The following DPP10 variants were observed in gnomAD, a reference collection of about 807,000 sequenced individuals.
The protein encoded by DPP10 is dipeptidyl peptidase like 10.
In DPP10, 33 loss-of-function variants were observed where a neutral mutation model predicts 120.9. The observed-to-expected ratio is 0.27, with a 90% confidence interval of 0.21 to 0.37. The LOEUF (loss-of-function observed/expected upper bound fraction) is 0.37. DPP10 is among the 10% of genes least tolerant of loss of function. DPP10 has a pLI of 1.00. For synonymous variants in DPP10, 337 were observed against 326.1 expected (o/e 1.03, Z -0.36); for missense variants, 816 against 942.8 (o/e 0.87, Z 1.76).
intron 1 of DPP10, among the ~76,000 whole-genome samples, chr2:115,240,426 C>T (rs763178118): frequency 1.3e-5 from 2 of 152,124 alleles, no homozygotes; most frequent in Non-Finnish European, 2.9e-5. Flanking sequence ...TGTTCATATC[C>T]TTTGACCACT....
At chr2:115,648,802 A>G (rs939167579) in intron 5 of DPP10, among the ~76,000 whole-genome samples, 3 of 152,078 alleles carry the variant, frequency 2.0e-5, no homozygotes, top group African/African-American at 7.2e-5. Flanking sequence ...GGAGAGTCCA[A>G]CCCAGTTGGA....
At chr2:114,594,165 C>T (rs1341491375) in intron 1 of DPP10, among the ~76,000 whole-genome samples, 1 of 151,852 alleles carries the variant, frequency 6.6e-6, no homozygotes, top group Non-Finnish European at 1.5e-5. Flanking sequence ...ATAAAGCAGG[C>T]AGAAAAATGT....
chr2:115,348,767 T>C (rs906041473), intron 3 of DPP10, among the ~76,000 whole-genome samples: 1 of 152,166 alleles, frequency 6.6e-6, no homozygotes, highest in Non-Finnish European at 1.5e-5. Context: ...CATACCATCA[T>C]GTAATGAGAT....
At chr2:114,971,120 C>T (rs756019762) in intron 1 of DPP10, among the ~76,000 whole-genome samples, 4 of 152,090 alleles carry the variant, frequency 2.6e-5, no homozygotes, top group African/African-American at 4.8e-5. Context: ...TCAGTTGTGA[C>T]GCCTCATGTT....
chr2:115,739,450 C>A (rs530448547), intron 8 of DPP10, among the ~76,000 whole-genome samples: 1 of 151,936 alleles, frequency 6.6e-6, no homozygotes, highest in Non-Finnish European at 1.5e-5. Flanking sequence ...CTTCAATCAC[C>A]GTTCTCATTC....
chr2:115,051,906 A>G (rs1415058473), intron 1 of DPP10, among the ~76,000 whole-genome samples: 1 of 152,222 alleles, frequency 6.6e-6, no homozygotes, highest in Non-Finnish European at 1.5e-5. Flanking sequence ...CAATATGTAC[A>G]TATATCAGAA....
intron 1 of DPP10, among the ~76,000 whole-genome samples, chr2:114,800,522 T>G (rs915823944): frequency 7.0e-4 from 107 of 152,172 alleles, no homozygotes; most frequent in Non-Finnish European, 2.5e-4. Flanking sequence ...CAAAAGAGTC[T>G]TACAAGGAAG....
chr2:115,821,381 T>G (rs1374747404), intron 21 of DPP10, among the ~76,000 whole-genome samples: 1 of 152,124 alleles, frequency 6.6e-6, no homozygotes, highest in African/African-American at 2.4e-5. Flanking sequence ...CATTAAAGAT[T>G]TTTATATTCA....
intron 1 of DPP10, among the ~76,000 whole-genome samples, chr2:114,465,245 C>T (rs2104584574): frequency 6.6e-6 from 1 of 152,294 alleles, no homozygotes; most frequent in Non-Finnish European, 1.5e-5. Context: ...ATTAGAAGGA[C>T]ACATACGAAG....
chr2:114,949,842 C>T (rs1697644002), intron 1 of DPP10, among the ~76,000 whole-genome samples: 1 of 152,168 alleles, frequency 6.6e-6, no homozygotes, highest in African/African-American at 2.4e-5. Context: ...TGCTAGAGCT[C>T]TTTCTGCCAT....
At chr2:115,218,033 C>T (rs940109907) in intron 1 of DPP10, among the ~76,000 whole-genome samples, 1 of 152,106 alleles carries the variant, frequency 6.6e-6, no homozygotes, top group East Asian at 1.9e-4. Context: ...CAAGGATGAG[C>T]ATGGTTTCAG....
chr2:115,827,447 T>TATATATATATG (rs1388130768), intron 21 of DPP10, among the ~76,000 whole-genome samples: 2 of 126,842 alleles, frequency 1.6e-5, no homozygotes, highest in Non-Finnish European at 3.3e-5. Flanking sequence ...TATATATATA[T>TATATATATATG]GCTCTACAGT....
intron 1 of DPP10, among the ~76,000 whole-genome samples, chr2:114,945,264 G>C (rs1248202705): frequency 6.6e-6 from 1 of 152,176 alleles, no homozygotes; most frequent in East Asian, 1.9e-4. Context: ...AAAAGCTTCT[G>C]CTCTCTGGAA....
At chr2:114,592,542 A>G (rs1691548167) in intron 1 of DPP10, among the ~76,000 whole-genome samples, 1 of 152,172 alleles carries the variant, frequency 6.6e-6, no homozygotes, top group Non-Finnish European at 1.5e-5. Flanking sequence ...CATGAGGAAT[A>G]TGCTTGTAGA....
intron 15 of DPP10, among the ~76,000 whole-genome samples, chr2:115,778,828 T>TATAAACTTATAC (rs1261420713): frequency 1.3e-5 from 2 of 152,082 alleles, no homozygotes; most frequent in Non-Finnish European, 2.9e-5. Flanking sequence ...TTATTATAAG[T>TATAAACTTATAC]TTATTCTCGT....
At chr2:115,171,919 C>T (rs1416295632) in intron 1 of DPP10, among the ~76,000 whole-genome samples, 1 of 152,106 alleles carries the variant, frequency 6.6e-6, no homozygotes, top group Non-Finnish European at 1.5e-5. Flanking sequence ...ACACGCAAAG[C>T]CATAATGCCA....
chr2:115,487,038 C>T (rs1313031092), intron 3 of DPP10, among the ~76,000 whole-genome samples: 1 of 152,068 alleles, frequency 6.6e-6, no homozygotes, highest in Non-Finnish European at 1.5e-5. Flanking sequence ...TTTTGGATAT[C>T]TAACTTTATC....
chr2:114,540,328 G>GA (rs1174927071), intron 1 of DPP10, among the ~76,000 whole-genome samples: 2 of 152,182 alleles, frequency 1.3e-5, no homozygotes, highest in Non-Finnish European at 2.9e-5. Context: ...ATCTGAGACA[G>GA]ATTGTTGTCA....
chr2:114,596,463 A>C (rs543356802), intron 1 of DPP10, among the ~76,000 whole-genome samples: 237 of 152,222 alleles, frequency 1.6e-3, no homozygotes, highest in African/African-American at 5.5e-3. Flanking sequence ...ATCTGTAATA[A>C]CCAGAAGTAA....
Sources: gnomAD v4.1 joint callset for allele counts (sites outside exome capture counted in the v4.1 genomes callset) on GRCh38, gnomAD v4.1.1 for gene constraint, MANE v1.5 for transcripts, NCBI Gene and HGNC (gene_info 2026-07-23, HGNC 2026-07-21) for gene names.